AFF1: variants seen among roughly 807,000 people sequenced by gnomAD.
AFF1 encodes ALF transcription elongation factor 1.
In AFF1, 48 loss-of-function variants were observed where a neutral mutation model predicts 121.7. The ratio of observed to expected loss-of-function variants is 0.39; its 90% CI spans 0.31 to 0.50. AFF1 has a LOEUF of 0.50. AFF1 is among the 20% of genes least tolerant of loss of function. The pLI, the probability that AFF1 is intolerant of heterozygous loss-of-function variation, is 0.76. For missense variants in AFF1, 1,523 were observed against 1,511.7 expected, an observed-to-expected ratio of 1.01 and a Z score of -0.12; for synonymous variants, 613 against 563.0, an observed-to-expected ratio of 1.09 and a Z score of -1.26.
At chr4:87,020,615 G>C (rs1346404733) in intron 2 of AFF1, among the ~76,000 whole-genome samples, 1 of 152,150 alleles carries the variant, frequency 6.6e-6, no homozygotes, top group Non-Finnish European at 1.5e-5. Context: ...CTCCTGAGTA[G>C]CTGGGACTAC....
chr4:87,041,732 C>T (rs962110822), intron 2 of AFF1, among the ~76,000 whole-genome samples: 2 of 151,214 alleles, frequency 1.3e-5, no homozygotes, highest in Admixed American at 1.3e-4. Flanking sequence ...TGATTATTGA[C>T]AGCTGGGCGT....
At chr4:87,066,032 G>A (rs1251798752) in intron 4 of AFF1, among the ~76,000 whole-genome samples, 2 of 152,174 alleles carry the variant, frequency 1.3e-5, no homozygotes, top group Admixed American at 6.5e-5. Context: ...CATTTTCAGA[G>A]GTGAAGATGA....
chr4:87,114,523 T>G lies in AFF1; in HGVS notation c.1690T>G (p.Ser564Ala). 6.2e-7 allele frequency: 1 copy of G among 1,612,720 alleles called. No homozygotes were observed. The highest frequency in any genetic ancestry group is 1.1e-5 in the South Asian group (1 of 91,036). Residue 564 changes from serine (S) to alanine (A), a missense_variant, in exon 12 of 21, where the codon TCT becomes GCT. By Grantham distance (99) the Ser-to-Ala change is moderately conservative. Transcript: ENST00000395146. ...SSDSATSQEH[S>A]ESKDPPPKSS... ...CGACAGTGCCACGAGTCAGGAGCAT[T>G]CTGAATCCAAAGATCCTCCCCCTAA...
chr4:87,033,564 A>C (rs1729271543), intron 2 of AFF1, among the ~76,000 whole-genome samples: 1 of 152,206 alleles, frequency 6.6e-6, no homozygotes, highest in Non-Finnish European at 1.5e-5. Flanking sequence ...CAGTATATTC[A>C]CTTAGTACAT....
At chr4:87,098,679 T>A (rs957670590) in intron 8 of AFF1, among the ~76,000 whole-genome samples, 5 of 152,362 alleles carry the variant, frequency 3.3e-5, no homozygotes, top group Non-Finnish European at 7.3e-5. Flanking sequence ...TGCCCTCCAT[T>A]ATTTTTCTTG....
intron 2 of AFF1, among the ~76,000 whole-genome samples, chr4:87,036,046 G>T (rs1729533310): frequency 2.0e-5 from 3 of 152,114 alleles, no homozygotes; most frequent in Admixed American, 2.0e-4. Flanking sequence ...AGAAGAGCAG[G>T]AGAAGAGCCA....
chr4:87,140,307 C>T lies in AFF1; in HGVS notation c.*4606C>T, dbSNP rs1290549826. 1 of 195,660 alleles carries T rather than the reference C, an allele frequency of 5.1e-6. No homozygotes were observed. Among genetic ancestry groups the T allele is most frequent in the East Asian group, 7.9e-5 (1 of 12,594 alleles). The allele number at this position is 195,660 out of a possible 1,614,324, so 12.1% of individuals were successfully genotyped here. On this transcript the variant is annotated 3_prime_UTR_variant, in exon 21 of 21. Transcript: ENST00000395146. ...GTATTGTTAAAATTACTGCATATCC[C>T]CCTCAGATATCAAGTATACACTGTT...
At chr4:87,007,612 A>G (rs1726296398) in intron 2 of AFF1, among the ~76,000 whole-genome samples, 1 of 152,160 alleles carries the variant, frequency 6.6e-6, no homozygotes, top group South Asian at 2.1e-4. Context: ...ATGCTGGACA[A>G]TTTCTGCACA....
chr4:87,109,810 TAAATG>T (rs1032358966), intron 11 of AFF1, among the ~76,000 whole-genome samples: 1 of 152,200 alleles, frequency 6.6e-6, no homozygotes, highest in African/African-American at 2.4e-5. Context: ...CTCTGTAAAA[TAAATG>T]GTCCCATCCT....
chr4:87,101,486 A>C (rs1725427423), intron 8 of AFF1, among the ~76,000 whole-genome samples: 1 of 152,100 alleles, frequency 6.6e-6, no homozygotes, highest in African/African-American at 2.4e-5. Flanking sequence ...CTTAAGTAGG[A>C]GGGTCACTTG....
chr4:87,038,653 G>A (rs55816619), intron 2 of AFF1, among the ~76,000 whole-genome samples: 21,568 of 152,022 alleles, frequency 0.14, 2,045 homozygotes, highest in East Asian at 0.31. Context: ...CTCTAAGCTG[G>A]GATTGCCGAA....
intron 2 of AFF1, among the ~76,000 whole-genome samples, chr4:87,040,863 A>ACC: frequency 1.8e-5 from 2 of 111,234 alleles, no homozygotes; most frequent in East Asian, 5.6e-4. Flanking sequence ...GTGAGCCACC[A>ACC]TGCCCTGCTT....
At chr4:87,111,785 C>T (rs529113298) in intron 11 of AFF1, among the ~76,000 whole-genome samples, 1 of 152,218 alleles carries the variant, frequency 6.6e-6, no homozygotes, top group Non-Finnish European at 1.5e-5. Flanking sequence ...TTCCCCTTGT[C>T]TGGCACAACT....
At chr4:86,985,507 C>CAA (rs34276113) in intron 2 of AFF1, among the ~76,000 whole-genome samples, 208 of 96,464 alleles carry the variant, frequency 2.2e-3, no homozygotes, top group African/African-American at 4.5e-3. Flanking sequence ...GACACTGTCT[C>CAA]AAAAAAAAAA....
At chr4:87,107,836 G>A (rs1275371841) in intron 10 of AFF1, among the ~76,000 whole-genome samples, 5 of 152,172 alleles carry the variant, frequency 3.3e-5, no homozygotes, top group Non-Finnish European at 7.3e-5. Flanking sequence ...TAGAAAAGCA[G>A]GCAGCCAGCC....
At chr4:87,076,226 C>G (rs1722658272) in intron 4 of AFF1, among the ~76,000 whole-genome samples, 1 of 151,186 alleles carries the variant, frequency 6.6e-6, no homozygotes, top group Non-Finnish European at 1.5e-5. Context: ...CTGTAGGTGA[C>G]CTAGAGATTC....
rs977377629 is a variant in AFF1 at position 87,132,386 on chromosome 4, G to A, written c.3289G>A (p.Ala1097Thr). 8 of 1,611,120 alleles carry A rather than the reference G, an allele frequency of 5.0e-6. No homozygotes were observed. In the East Asian group the frequency reaches 1.6e-4, roughly 32 times the overall value. ...CGAGAGTTCTTCCAAAGTCGCCCAG[G>A]CACCTTCTCCATGCATTGCAAGGTA... ...HFESSSKVAQ[A>T]PSPCIARSTG... Residue 1097 changes from alanine to threonine, a missense_variant, in exon 19 of 21, where the codon GCA (alanine) becomes ACA (threonine). Physicochemically the swap from Ala to Thr is moderately conservative, Grantham distance 58. Coordinates refer to ENST00000395146, the MANE Select transcript of AFF1 (RefSeq NM_001166693.3).
At chr4:86,988,396 A>T (rs1294725439) in intron 2 of AFF1, among the ~76,000 whole-genome samples, 2 of 151,410 alleles carry the variant, frequency 1.3e-5, no homozygotes, top group Non-Finnish European at 2.9e-5. Flanking sequence ...TTTTTTAGCT[A>T]CCACATTTGA....
intron 11 of AFF1, among the ~76,000 whole-genome samples, chr4:87,110,207 A>T (rs1425238547): frequency 1.4e-5 from 2 of 147,996 alleles, no homozygotes; most frequent in African/African-American, 5.0e-5. Flanking sequence ...TCTTTGTCTT[A>T]ATTTTTGTGG....
Sources: allele counts gnomAD v4.1 joint callset (sites outside exome capture counted in the v4.1 genomes callset), GRCh38; gene constraint gnomAD v4.1.1; transcripts MANE v1.5; gene names NCBI Gene and HGNC (gene_info 2026-07-23, HGNC 2026-07-21).